The following IQCJ variants were observed in gnomAD, a reference collection of about 807,000 sequenced individuals.
IQCJ encodes IQ domain-containing protein J.
Under a neutral mutation model 11.0 loss-of-function variants are expected in IQCJ, and 9 were observed. The observed-to-expected ratio is 0.82, with a 90% CI of 0.49 to 1.43. The LOEUF (loss-of-function observed/expected upper bound fraction) is 1.43, where lower values mean the gene tolerates loss of function less well. Ranked by LOEUF, IQCJ falls within the 40% of genes most tolerant of loss-of-function variation. IQCJ has a pLI of 0.00. For missense variants in IQCJ, 146 were observed against 133.2 expected (o/e 1.10, Z -0.47); for synonymous variants, 55 against 51.3 (o/e 1.07, Z -0.31).
At chr3:159,157,291 A>G (rs779405254) in intron 1 of IQCJ, among the ~76,000 whole-genome samples, 1 of 152,198 alleles carries the variant, frequency 6.6e-6, no homozygotes, top group Non-Finnish European at 1.5e-5. Flanking sequence ...GGTATGGCCA[A>G]TTGACCAGAA....
At chr3:159,119,797 C>T (rs541894279) in intron 1 of IQCJ, among the ~76,000 whole-genome samples, 95 of 152,278 alleles carry the variant, frequency 6.2e-4, no homozygotes, top group African/African-American at 2.1e-3. Flanking sequence ...ATCCCCATTC[C>T]GTATGGGTTG....
intron 1 of IQCJ, among the ~76,000 whole-genome samples, chr3:159,113,441 AAG>A (rs1353459802): frequency 1.3e-5 from 2 of 152,244 alleles, no homozygotes; most frequent in Non-Finnish European, 2.9e-5. Flanking sequence ...GAGGAAAAGA[AAG>A]AGAAGTTACA....
At chr3:159,262,408 C>T in intron 3 of IQCJ, 140 bp from the exon 4 acceptor site, 1 of 1,325,960 alleles carries the variant, frequency 7.5e-7, no homozygotes, top group Non-Finnish European at 1.0e-6. Context: ...TCCTGATTCA[C>T]TACATCACAT....
intron 1 of IQCJ, among the ~76,000 whole-genome samples, chr3:159,208,611 A>T (rs1486780100): frequency 2.6e-5 from 4 of 152,118 alleles, no homozygotes; most frequent in Non-Finnish European, 5.9e-5. Context: ...TGCAAAGGGG[A>T]ATTTTCTTTT....
At position 159,091,668 on chromosome 3, in the gene IQCJ, ACGCATG is replaced by A. The variant is rs141257160; in HGVS notation, c.9+22229_9+22234del. On this transcript the variant is annotated intron_variant, in intron 1 of 3. Coordinates refer to ENST00000397832, the MANE Select transcript of IQCJ (RefSeq NM_001042706.3). ...TATTTACACACACACACACACACACACGCATGCACACACACACACACACACACACAC... is the reference window on the plus strand; with the variant it reads ...TATTTACACACACACACACACACACACACACACACACACACACACACACAC... 4.3e-3 allele frequency among the ~76,000 whole-genome samples: 150 copies of A among 34,720 alleles called. 1 individual carries two copies. The highest frequency in any genetic ancestry group is 7.5e-3 in the African/African-American group (60 of 8,008). The allele number at this position is 34,720 out of a possible 152,430, so 22.8% of individuals were successfully genotyped here.
intron 1 of IQCJ, among the ~76,000 whole-genome samples, chr3:159,237,042 A>G (rs752935438): frequency 1.3e-5 from 2 of 152,246 alleles, no homozygotes; most frequent in African/African-American, 2.4e-5. Flanking sequence ...ACCCACAGCT[A>G]CACAGTGAAG....
chr3:159,209,750 A>C (rs1724853106), intron 1 of IQCJ, among the ~76,000 whole-genome samples: 1 of 152,088 alleles, frequency 6.6e-6, no homozygotes, highest in African/African-American at 2.4e-5. Context: ...AAGCCAAGCA[A>C]AACAAGCCAC....
intron 1 of IQCJ, among the ~76,000 whole-genome samples, chr3:159,175,435 C>A (rs1327321297): frequency 1.3e-5 from 2 of 152,318 alleles, no homozygotes; most frequent in East Asian, 3.9e-4. Flanking sequence ...TATAAAACTT[C>A]ACTCCAGCCT....
chr3:159,074,421 G>A (rs1284541853), intron 1 of IQCJ, among the ~76,000 whole-genome samples: 1 of 152,058 alleles, frequency 6.6e-6, no homozygotes. Context: ...ATTGAGTGAT[G>A]GGAGACTTAT....
intron 1 of IQCJ, among the ~76,000 whole-genome samples, chr3:159,236,547 G>T (rs1560037277): frequency 6.6e-6 from 1 of 152,122 alleles, no homozygotes; most frequent in Non-Finnish European, 1.5e-5. Context: ...TGTGCAGCTG[G>T]GTCATTCCTG....
intron 2 of IQCJ, among the ~76,000 whole-genome samples, chr3:159,246,986 A>G (rs954014222): frequency 1.3e-5 from 2 of 152,226 alleles, no homozygotes; most frequent in East Asian, 1.9e-4. Context: ...GCAGAAAGGC[A>G]TCACACCTTT....
intron 1 of IQCJ, among the ~76,000 whole-genome samples, chr3:159,088,953 C>T (rs983441123): frequency 3.3e-5 from 5 of 151,642 alleles, no homozygotes; most frequent in Admixed American, 1.3e-4. Flanking sequence ...TGAATTTGAT[C>T]CTGTCATTAT....
At chr3:159,212,938 C>T (rs2108096243) in intron 1 of IQCJ, among the ~76,000 whole-genome samples, 1 of 152,292 alleles carries the variant, frequency 6.6e-6, no homozygotes, top group East Asian at 1.9e-4. Context: ...GTAGTAAACA[C>T]CAGTAAACAC....
At chr3:159,187,468 A>C (rs968226870) in intron 1 of IQCJ, among the ~76,000 whole-genome samples, 3 of 152,244 alleles carry the variant, frequency 2.0e-5, no homozygotes, top group African/African-American at 7.2e-5. Flanking sequence ...CTGTGACTAC[A>C]CGTCCTTTTC....
intron 1 of IQCJ, among the ~76,000 whole-genome samples, chr3:159,105,715 C>T (rs1346651616): frequency 6.6e-6 from 1 of 152,036 alleles, no homozygotes; most frequent in Non-Finnish European, 1.5e-5. Context: ...GGTGGGAAAA[C>T]ACGTCTGGTG....
intron 1 of IQCJ, among the ~76,000 whole-genome samples, chr3:159,189,374 T>G (rs1046980093): frequency 2.0e-5 from 3 of 152,212 alleles, no homozygotes; most frequent in African/African-American, 7.2e-5. Flanking sequence ...TATCTATAAT[T>G]AACAAATCAA....
At chr3:159,090,444 T>A (rs1315769533) in intron 1 of IQCJ, among the ~76,000 whole-genome samples, 1 of 151,854 alleles carries the variant, frequency 6.6e-6, no homozygotes, top group Non-Finnish European at 1.5e-5. Flanking sequence ...ACATAAGTTC[T>A]GTTTGTACAA....
intron 3 of IQCJ, among the ~76,000 whole-genome samples, chr3:159,260,814 A>G (rs974005195): frequency 1.3e-5 from 2 of 152,192 alleles, no homozygotes; most frequent in African/African-American, 4.8e-5. Context: ...AGTCCTTTAA[A>G]AAAAAAACTC....
At chr3:159,253,090 G>T (rs933107567) in intron 3 of IQCJ, among the ~76,000 whole-genome samples, 2 of 151,866 alleles carry the variant, frequency 1.3e-5, no homozygotes, top group African/African-American at 4.8e-5. Flanking sequence ...ATTTTCCTTT[G>T]CCTTTCGTCT....
Sources: gnomAD v4.1 joint callset for allele counts (sites outside exome capture counted in the v4.1 genomes callset) on GRCh38, gnomAD v4.1.1 for gene constraint, MANE v1.5 for transcripts, NCBI Gene and HGNC (gene_info 2026-07-23, HGNC 2026-07-21) for gene names.